Variants in DENND6B observed in about 807,000 individuals in gnomAD.
The protein encoded by DENND6B is protein DENND6B.
A neutral mutation model predicts 85.1 loss-of-function variants in DENND6B; 73 were observed. The observed-to-expected ratio is 0.86, with a 90% CI of 0.71 to 1.04. The LOEUF (loss-of-function observed/expected upper bound fraction) is 1.04, where lower values mean the gene tolerates loss of function less well. DENND6B is among the 50% of genes least tolerant of loss of function. The pLI is 0.00. For missense variants in DENND6B, 715 were observed against 785.8 expected (o/e 0.91, Z 1.08); for synonymous variants, 357 against 329.3 (o/e 1.08, Z -0.91).
chr22:50,312,030 G>A lies in DENND6B; in HGVS notation c.*109C>T. On this transcript the variant is annotated 3_prime_UTR_variant, in exon 20 of 20. Transcript: ENST00000413817. ...GCAGGAAGGGGAGCCTGCAGTCTGG[G>A]CGGGGGGCCAAGGAAGGGGAGCGTG... 1 of 1,493,198 alleles carries A rather than the reference G, an allele frequency of 6.7e-7. No individual in the cohort carries two copies. The highest frequency in any genetic ancestry group is 8.9e-7 in the Non-Finnish European group (1 of 1,121,676). The allele number at this position is 1,493,198 out of a possible 1,614,324, so 92.5% of individuals were successfully genotyped here. A position where few individuals can be genotyped will look rare whatever the true frequency, so the allele number is the denominator to read the frequency against.
chr22:50,315,959 C>G, intron 8 of DENND6B, 66 bp downstream of exon 8: 1 of 1,608,702 alleles, frequency 6.2e-7, no homozygotes, highest in Non-Finnish European at 8.5e-7. Flanking sequence ...GACCACCCGG[C>G]CCAGGAGCAG....
At chr22:50,319,241 C>T in intron 1 of DENND6B, 9 of 1,456,758 alleles carry the variant, frequency 6.2e-6, no homozygotes, top group Non-Finnish European at 8.2e-6. Context: ...ACCACCTTCT[C>T]TGGCTGTGAT....
intron 3 of DENND6B, 114 bp downstream of exon 3, chr22:50,318,733 C>T (rs2041939622): frequency 6.8e-7 from 1 of 1,471,118 alleles, no homozygotes; most frequent in African/African-American, 1.4e-5. Context: ...GCTGCTCACC[C>T]CTGTGGCACT....
chr22:50,319,477 C>T (rs1390335896), intron 1 of DENND6B: 2 of 985,278 alleles, frequency 2.0e-6, no homozygotes, highest in Non-Finnish European at 2.4e-6. Context: ...TGCCCCTACC[C>T]ACCCGGACAT....
Position 50,313,458 on chromosome 22 carries a change from G to A in DENND6B, c.1335C>T (p.Ile445=). Reference sequence around the variant, plus strand: ...ACAGGACCCCCACCTTCCAGGGCGTGATGCTCTTCTGCAGGGGCATGAGGC... The same window carrying A: ...ACAGGACCCCCACCTTCCAGGGCGTAATGCTCTTCTGCAGGGGCATGAGGC... The part of the protein sequence containing the change: ...MASLMPLQKS[I]TPWKTPPQIQ... The change falls in exon 16 of 20, where the codon ATC becomes ATT. Residue 445 remains isoleucine (I), a synonymous_variant. Transcript: ENST00000413817. The A allele has an allele frequency of 5.2e-6, 8 of 1,545,164 alleles. No homozygotes were observed. The highest frequency in any genetic ancestry group is 7.0e-6 in the Non-Finnish European group (8 of 1,146,340).
intron 9 of DENND6B, among the ~76,000 whole-genome samples, chr22:50,315,236 C>A (rs1349535015): frequency 6.6e-6 from 1 of 152,190 alleles, no homozygotes; most frequent in East Asian, 1.9e-4. Flanking sequence ...GGTACCCGCC[C>A]AGACCCCTCC....
At chr22:50,320,516 G>A (rs747603731) in intron 1 of DENND6B, among the ~76,000 whole-genome samples, 12 of 152,204 alleles carry the variant, frequency 7.9e-5, no homozygotes, top group Non-Finnish European at 1.8e-4. Context: ...ACCTGGCACA[G>A]AACAGACCCT....
intron 17 of DENND6B, 92 bp downstream of exon 17, chr22:50,312,907 G>A: frequency 9.6e-7 from 1 of 1,042,620 alleles, no homozygotes; most frequent in Non-Finnish European, 1.4e-6. Context: ...GGGGCCATGG[G>A]GATGACCCTG....
Position 50,310,637 on chromosome 22 carries a change from G to A in DENND6B, c.*1502C>T, listed in dbSNP as rs1215832645. On this transcript the variant is annotated 3_prime_UTR_variant, in exon 20 of 20. Transcript: ENST00000413817. ...GGCTACATTCCTCGGACTGAATGGG[G>A]GCCTCAGAAGAAAAAGAAAAGTCCC... The A allele has an allele frequency of 6.6e-6, 1 of 152,136 alleles. No individual in the cohort carries two copies. The highest frequency in any genetic ancestry group is 2.4e-5 in the African/African-American group (1 of 41,416). 9.4% of individuals were successfully genotyped at this position (152,136 alleles called of 1,614,324 possible). A position where few individuals can be genotyped will look rare whatever the true frequency, so the allele number is the denominator to read the frequency against.
chr22:50,311,687 A>G lies in DENND6B; in HGVS notation c.*452T>C. 5.4e-6 allele frequency: 1 copy of G among 185,036 alleles called. No homozygotes were observed. The highest frequency in any genetic ancestry group is 1.1e-5 in the Non-Finnish European group (1 of 87,978). 11.5% of individuals were successfully genotyped at this position (185,036 alleles called of 1,614,324 possible). On this transcript the variant is annotated 3_prime_UTR_variant, in exon 20 of 20. Transcript: ENST00000413817. ...TCAAGTTGATGACTATATGCAAAAT[A>G]GCCTCCCATCCCCAGACAAGACGGG...
rs904431875 is a variant in DENND6B, at chr22:50,311,807, G to A, written c.*332C>T. The A allele has an allele frequency of 2.7e-6, 1 of 374,442 alleles. No individual in the cohort carries two copies. The allele number at this position is 374,442 out of a possible 1,614,324, so 23.2% of individuals were successfully genotyped here. On this transcript the variant is annotated 3_prime_UTR_variant, in exon 20 of 20. Transcript: ENST00000413817. ...GCAGGGGGGTCGGGGGCCAACAGAT[G>A]GGCACCGGGAGGGGCAGACGGTAGA...
At chr22:50,324,500 C>G (rs1159262292) in intron 1 of DENND6B, among the ~76,000 whole-genome samples, 1 of 152,222 alleles carries the variant, frequency 6.6e-6, no homozygotes, top group African/African-American at 2.4e-5. Context: ...TCTCGGCTCA[C>G]CACAACCTCC....
chr22:50,318,746 G>T, intron 3 of DENND6B, 101 bp downstream of exon 3: 1 of 1,525,406 alleles, frequency 6.6e-7, no homozygotes, highest in South Asian at 1.2e-5. Flanking sequence ...GTGGCACTCT[G>T]GGCACCGGGG....
intron 15 of DENND6B, 55 bp from the exon 16 acceptor site, chr22:50,313,554 C>T (rs1157800728): frequency 1.1e-4 from 66 of 576,290 alleles, no homozygotes; most frequent in Non-Finnish European, 1.7e-4. Context: ...CCAGCCCCAT[C>T]CCCCGCAGCC....
At position 50,313,884 on chromosome 22, in the gene DENND6B, G is replaced by T; in HGVS notation, c.1139-6C>A. 1 of 1,607,328 alleles carries T rather than the reference G, an allele frequency of 6.2e-7. No individual in the cohort carries two copies. On this transcript the variant is annotated splice_polypyrimidine_tract_variant and splice_region_variant and intron_variant, in intron 13 of 19. Coordinates refer to ENST00000413817, the MANE Select transcript of DENND6B (RefSeq NM_001001794.4). ...CGTGTAAGCGGTGTAGAGGCCTGGCGGGAGGGCACAGCTGGCGCCCCACCC... is the reference window on the plus strand; with the variant it reads ...CGTGTAAGCGGTGTAGAGGCCTGGCTGGAGGGCACAGCTGGCGCCCCACCC...
intron 9 of DENND6B, 105 bp downstream of exon 9, chr22:50,315,609 C>T: frequency 7.6e-7 from 1 of 1,321,936 alleles, no homozygotes; most frequent in Non-Finnish European, 1.0e-6. Context: ...CACGCAGACA[C>T]ACACGCACAC....
In DENND6B at chr22:50,316,415, T is replaced by G. The variant is rs768858189; in HGVS notation, c.514A>C (p.Ile172Leu). The G allele has an allele frequency of 6.3e-7, 1 of 1,589,418 alleles. No homozygotes were observed. Among genetic ancestry groups the G allele is most frequent in the South Asian group, 1.1e-5 (1 of 87,460 alleles). Reference protein sequence around the residue: ...VRLFQALLSLIAPEYFDKLAP... With the variant: ...VRLFQALLSLLAPEYFDKLAP... ...AGCTTGTCAAAGTACTCGGGGGCGATGAGGCTTAGCAGCGCTTGGAACAGC... is the reference window on the plus strand; with the variant it reads ...AGCTTGTCAAAGTACTCGGGGGCGAGGAGGCTTAGCAGCGCTTGGAACAGC... Residue 172 changes from isoleucine to leucine, a missense_variant, in exon 6 of 20, where the codon ATC becomes CTC. Coordinates refer to ENST00000413817, the MANE Select transcript of DENND6B (RefSeq NM_001001794.4).
At chr22:50,323,020 CTTTTTTTTTT>C (rs386395718) in intron 1 of DENND6B, among the ~76,000 whole-genome samples, 1 of 39,030 alleles carries the variant, frequency 2.6e-5, no homozygotes, top group Admixed American at 4.2e-4. Context: ...CCGGCTAATG[CTTTTTTTTTT>C]TTTTTTTTTT....
chr22:50,313,871 G>A lies in DENND6B; in HGVS notation c.1146C>T (p.Tyr382=). The change falls in exon 14 of 20, where the codon TAC becomes TAT. Residue 382 remains tyrosine (Y), a synonymous_variant. Coordinates refer to ENST00000413817, the MANE Select transcript of DENND6B (RefSeq NM_001001794.4). The part of the protein sequence containing the change: ...LKTLDTKPGL[Y]TAYTAHLHRD... ...GGTGGAGGTGGGCCGTGTAAGCGGTGTAGAGGCCTGGCGGGAGGGCACAGC... is the reference window on the plus strand; with the variant it reads ...GGTGGAGGTGGGCCGTGTAAGCGGTATAGAGGCCTGGCGGGAGGGCACAGC... The A allele has an allele frequency of 6.2e-6, 10 of 1,610,310 alleles. No homozygotes were observed. The highest frequency in any genetic ancestry group is 2.2e-5 in the East Asian group (1 of 44,832).
Sources: allele counts gnomAD v4.1 joint callset (sites outside exome capture counted in the v4.1 genomes callset), GRCh38; gene constraint gnomAD v4.1.1; transcripts MANE v1.5; gene names NCBI Gene and HGNC (gene_info 2026-07-23, HGNC 2026-07-21).